ITGBL1: variants seen among roughly 807,000 people sequenced by gnomAD.
ITGBL1 encodes the protein integrin subunit beta like 1, also known as integrin beta-like protein 1.
ITGBL1 carries 51 observed loss-of-function variants against 68.5 expected under a neutral mutation model. The ratio of observed to expected loss-of-function variants is 0.74; its 90% confidence interval spans 0.59 to 0.94. ITGBL1 has a LOEUF of 0.94. Among genes scored for constraint, ITGBL1 ranks in the 40% least tolerant of loss-of-function variants. The pLI is 0.00. For missense variants in ITGBL1, 649 were observed against 647.4 expected, an observed-to-expected ratio of 1.00 and a Z score of -0.03; for synonymous variants, 209 against 227.3, an observed-to-expected ratio of 0.92 and a Z score of 0.72.
At chr13:101,531,028 T>C (rs1246789651) in intron 2 of ITGBL1, among the ~76,000 whole-genome samples, 1 of 136,154 alleles carries the variant, frequency 7.3e-6, no homozygotes, top group Non-Finnish European at 1.6e-5. Flanking sequence ...AGCTGTAATA[T>C]AGGAAGAAAT....
intron 4 of ITGBL1, among the ~76,000 whole-genome samples, chr13:101,576,952 GGAA>G (rs1163479326): frequency 1.6e-5 from 2 of 126,150 alleles, no homozygotes; most frequent in South Asian, 2.3e-4. Flanking sequence ...TATTATAGAT[GGAA>G]AAAAAAAAAA....
At chr13:101,692,752 C>T in intron 8 of ITGBL1, 51 bp downstream of exon 8, 1 of 1,146,492 alleles carries the variant, frequency 8.7e-7, no homozygotes, top group East Asian at 2.3e-5. Context: ...CTTGCTTTAC[C>T]TGCCTTTGTT....
intron 7 of ITGBL1, among the ~76,000 whole-genome samples, chr13:101,652,318 C>T (rs1226749637): frequency 6.6e-6 from 1 of 151,776 alleles, no homozygotes; most frequent in Non-Finnish European, 1.5e-5. Context: ...ATTTTTTTTA[C>T]ATTTTTTCAG....
chr13:101,719,467 A>G (rs1566808649), downstream of ITGBL1: 1 of 152,090 alleles, frequency 6.6e-6, no homozygotes, highest in Non-Finnish European at 1.5e-5. Flanking sequence ...TTGTAATGAA[A>G]TGATGTTCAG....
At chr13:101,585,579 C>T (rs1002200413) in intron 6 of ITGBL1, among the ~76,000 whole-genome samples, 1 of 152,012 alleles carries the variant, frequency 6.6e-6, no homozygotes, top group Non-Finnish European at 1.5e-5. Context: ...TACAGGTGCC[C>T]ACCACCACGC....
intron 1 of ITGBL1, among the ~76,000 whole-genome samples, 186 bp from the exon 2 acceptor site, chr13:101,453,697 T>C (rs2048195110): frequency 6.6e-6 from 1 of 152,108 alleles, no homozygotes; most frequent in Admixed American, 6.5e-5. Context: ...GTGATACCTG[T>C]TTGCTTGGGA....
chr13:101,681,917 A>G (rs9554817), intron 7 of ITGBL1, among the ~76,000 whole-genome samples: 119,986 of 152,012 alleles, frequency 0.79, 47,578 homozygotes, highest in East Asian at 0.96. Flanking sequence ...AGAGAAAAGA[A>G]GAAGAGGAAT....
chr13:101,607,060 A>G (rs1285374511), intron 7 of ITGBL1, among the ~76,000 whole-genome samples: 1 of 151,990 alleles, frequency 6.6e-6, no homozygotes, highest in Non-Finnish European at 1.5e-5. Context: ...TGGAATACAT[A>G]GGTCTAAAAA....
At chr13:101,544,157 C>T (rs1484648741) in intron 2 of ITGBL1, among the ~76,000 whole-genome samples, 1 of 152,150 alleles carries the variant, frequency 6.6e-6, no homozygotes, top group Non-Finnish European at 1.5e-5. Flanking sequence ...AGTTTTTCTG[C>T]TCTGTTTTTT....
At chr13:101,547,540 C>T (rs1156618122) in intron 2 of ITGBL1, among the ~76,000 whole-genome samples, 1 of 151,010 alleles carries the variant, frequency 6.6e-6, no homozygotes, top group Non-Finnish European at 1.5e-5. Flanking sequence ...AATATTAAAG[C>T]CTAGATGAAA....
chr13:101,601,911 A>G (rs548817459), intron 7 of ITGBL1, among the ~76,000 whole-genome samples: 1 of 152,090 alleles, frequency 6.6e-6, no homozygotes, highest in African/African-American at 2.4e-5. Context: ...ATCTTAATTT[A>G]AAAAACAGCT....
At chr13:101,468,572 C>A (rs760232436) in intron 2 of ITGBL1, among the ~76,000 whole-genome samples, 1 of 152,132 alleles carries the variant, frequency 6.6e-6, no homozygotes, top group Non-Finnish European at 1.5e-5. Flanking sequence ...CCTAAAAGCA[C>A]ATATGTAGGG....
chr13:101,692,733 T>C (rs758842577), intron 8 of ITGBL1, 32 bp downstream of exon 8: 4 of 1,330,222 alleles, frequency 3.0e-6, no homozygotes, highest in Non-Finnish European at 4.3e-6. Flanking sequence ...GTATGCTACC[T>C]GCATGCAACT....
Position 101,714,541 on chromosome 13 carries a change from C to T in ITGBL1, c.1383C>T (p.Leu461=). ...GAGACTGCGACAAACATGATGGTCTCATTTGTACAGGTGCAGTATTAACCT... is the reference window on the plus strand; with the variant it reads ...GAGACTGCGACAAACATGATGGTCTTATTTGTACAGGTGCAGTATTAACCT... ...DDRDCDKHDG[L]ICTGNGICSC... Residue 461 remains leucine, a synonymous_variant, in exon 10 of 11, where the codon CTC becomes CTT. Coordinates refer to ENST00000376180, the MANE Select transcript of ITGBL1 (RefSeq NM_004791.3). The T allele has an allele frequency of 6.3e-7, 1 of 1,589,210 alleles. No individual in the cohort carries two copies. The highest frequency in any genetic ancestry group is 8.6e-7 in the Non-Finnish European group (1 of 1,157,442).
intron 9 of ITGBL1, chr13:101,711,662 C>T (rs1236793918): frequency 6.6e-6 from 1 of 152,210 alleles, no homozygotes; most frequent in Non-Finnish European, 1.5e-5. Context: ...CCTTTATTCT[C>T]TCTTCCATTC....
chr13:101,461,931 C>T (rs1187752303), intron 2 of ITGBL1, among the ~76,000 whole-genome samples: 1 of 152,192 alleles, frequency 6.6e-6, no homozygotes, highest in Non-Finnish European at 1.5e-5. Flanking sequence ...CATGGGACTT[C>T]CAGGGCCAAG....
Position 101,715,683 on chromosome 13 carries a change from A to AT in ITGBL1, c.*35dup, listed in dbSNP as rs780190935. The AT allele has an allele frequency of 2.7e-6, 4 of 1,464,500 alleles. No homozygotes were observed. The highest frequency in any genetic ancestry group is 2.3e-5 in the South Asian group (2 of 88,028). The allele number at this position is 1,464,500 out of a possible 1,614,324, so 90.7% of individuals were successfully genotyped here. A position where few individuals can be genotyped will look rare whatever the true frequency, so the allele number is the denominator to read the frequency against. ...TTACATGAGAGAGGTCTGGATTCTTATTTTTTCTGGGCCATTAGAACAGAT... is the reference window on the plus strand; with the variant it reads ...TTACATGAGAGAGGTCTGGATTCTTATTTTTTTCTGGGCCATTAGAACAGAT... On this transcript the variant is annotated 3_prime_UTR_variant, in exon 11 of 11. Transcript: ENST00000376180.
At chr13:101,454,474 C>G (rs1343953310) in intron 2 of ITGBL1, among the ~76,000 whole-genome samples, 2 of 147,802 alleles carry the variant, frequency 1.4e-5, no homozygotes, top group African/African-American at 4.9e-5. Context: ...GGATTACAGG[C>G]GTGAGCCACT....
intron 7 of ITGBL1, among the ~76,000 whole-genome samples, chr13:101,632,351 G>A (rs2032013009): frequency 6.6e-6 from 1 of 152,180 alleles, no homozygotes; most frequent in South Asian, 2.1e-4. Context: ...AAACCCCAAT[G>A]AGTTATCCCT....
Sources: allele counts gnomAD v4.1 joint callset (sites outside exome capture counted in the v4.1 genomes callset), GRCh38; gene constraint gnomAD v4.1.1; transcripts MANE v1.5; gene names NCBI Gene and HGNC (gene_info 2026-07-23, HGNC 2026-07-21).